CELF4: variants seen among roughly 807,000 people sequenced by gnomAD.
CELF4 encodes CUGBP Elav-like family member 4.
A neutral mutation model predicts 59.9 loss-of-function variants in CELF4; 18 were observed. That is an observed-to-expected ratio of 0.30 (90% CI 0.21 to 0.45). The LOEUF is 0.45. Ranked by LOEUF, CELF4 falls within the 20% of genes least tolerant of loss-of-function variation. The pLI is 1.00. For synonymous variants in CELF4, 261 were observed against 267.1 expected, an observed-to-expected ratio of 0.98 and a Z score of 0.22; for missense variants, 456 against 689.0, an observed-to-expected ratio of 0.66 and a Z score of 3.79.
chr18:37,352,883 C>T (rs1004647071), intron 2 of CELF4, among the ~76,000 whole-genome samples: 5 of 152,068 alleles, frequency 3.3e-5, no homozygotes, highest in East Asian at 3.9e-4. Flanking sequence ...GGTGGAACAG[C>T]GCCTTGCCAT....
intron 1 of CELF4, among the ~76,000 whole-genome samples, chr18:37,487,481 ACTC>A (rs1261611135): frequency 2.0e-5 from 3 of 150,726 alleles, no homozygotes; most frequent in South Asian, 2.1e-4. Flanking sequence ...ACCCCAGATC[ACTC>A]CTCCTCCCTC....
At chr18:37,539,950 A>G (rs1287207702) in intron 1 of CELF4, among the ~76,000 whole-genome samples, 1 of 152,238 alleles carries the variant, frequency 6.6e-6, no homozygotes, top group African/African-American at 2.4e-5. Flanking sequence ...AGAGCTGGAC[A>G]ATAGACATAG....
chr18:37,423,315 G>A (rs1603638277), intron 2 of CELF4, among the ~76,000 whole-genome samples: 2 of 152,340 alleles, frequency 1.3e-5, no homozygotes, highest in East Asian at 1.9e-4. Context: ...AGCACTGGGA[G>A]CTTGACCAGG....
intron 3 of CELF4, among the ~76,000 whole-genome samples, chr18:37,296,310 G>C (rs2095636851): frequency 6.6e-6 from 1 of 152,150 alleles, no homozygotes; most frequent in African/African-American, 2.4e-5. Context: ...AAAGACTATA[G>C]CCTCCTGAGA....
At chr18:37,470,125 AC>A (rs756740919) in intron 2 of CELF4, among the ~76,000 whole-genome samples, 39 of 152,238 alleles carry the variant, frequency 2.6e-4, no homozygotes, top group Non-Finnish European at 4.1e-4. Context: ...TTTCAATGCT[AC>A]CGAGTCAGAA....
chr18:37,543,066 C>A (rs1047804080), intron 1 of CELF4, among the ~76,000 whole-genome samples: 1 of 152,156 alleles, frequency 6.6e-6, no homozygotes, highest in African/African-American at 2.4e-5. Context: ...GGTCTCTGAG[C>A]AACCCCTCAA....
intron 1 of CELF4, among the ~76,000 whole-genome samples, chr18:37,565,077 C>T (rs2099987781): frequency 2.0e-5 from 3 of 152,126 alleles, no homozygotes; most frequent in Admixed American, 1.3e-4. Context: ...AATCCAAGCC[C>T]CGTCTCCTCG....
At chr18:37,494,736 T>C (rs9946793) in intron 1 of CELF4, among the ~76,000 whole-genome samples, 15,005 of 152,216 alleles carry the variant, frequency 0.099, 2,386 homozygotes, top group African/African-American at 0.34. Context: ...TGGCTATTTT[T>C]GGGCTCAGTT....
chr18:37,508,625 G>C (rs1198166962), intron 1 of CELF4, among the ~76,000 whole-genome samples: 2 of 152,256 alleles, frequency 1.3e-5, no homozygotes. Flanking sequence ...TGCAGCTGCA[G>C]GGGACATGAG....
intron 1 of CELF4, among the ~76,000 whole-genome samples, chr18:37,515,222 G>T (rs1043715466): frequency 5.9e-5 from 9 of 152,150 alleles, no homozygotes; most frequent in African/African-American, 2.2e-4. Context: ...TGGAGGAGGG[G>T]GATTTGCAGT....
intron 2 of CELF4, among the ~76,000 whole-genome samples, chr18:37,322,461 C>A (rs2097157185): frequency 6.6e-6 from 1 of 152,244 alleles, no homozygotes; most frequent in Admixed American, 6.5e-5. Flanking sequence ...GCAGCCAGGG[C>A]TGTTCTCTCA....
At chr18:37,478,614 GAGA>G (rs1223151873) in intron 2 of CELF4, among the ~76,000 whole-genome samples, 4 of 152,236 alleles carry the variant, frequency 2.6e-5, no homozygotes, top group Non-Finnish European at 5.9e-5. Context: ...CAGCCCCAGG[GAGA>G]AGGAGGACTT....
At chr18:37,510,994 C>T (rs1048440402) in intron 1 of CELF4, among the ~76,000 whole-genome samples, 2 of 152,096 alleles carry the variant, frequency 1.3e-5, no homozygotes, top group African/African-American at 4.8e-5. Context: ...TATTTGTCAC[C>T]CATCACCCCA....
intron 1 of CELF4, among the ~76,000 whole-genome samples, chr18:37,557,428 G>T (rs908627039): frequency 6.6e-6 from 1 of 152,198 alleles, no homozygotes; most frequent in African/African-American, 2.4e-5. Context: ...GTGCAGAAAG[G>T]ATTTTTTGTC....
In CELF4 at chr18:37,565,733, A is replaced by T. The variant is rs918619995; in HGVS notation, c.-92T>A. Reference sequence around the variant, plus strand: ...CGCGCTCACACACGCACACGCATACACACACTCGGGTTCTCTCCCCCTCGG... The same window carrying T: ...CGCGCTCACACACGCACACGCATACTCACACTCGGGTTCTCTCCCCCTCGG... On this transcript the variant is annotated 5_prime_UTR_variant, in exon 1 of 13. Coordinates refer to ENST00000420428, the MANE Select transcript of CELF4 (RefSeq NM_020180.4). 12 of 1,104,412 alleles carry T rather than the reference A, an allele frequency of 1.1e-5. No homozygotes were observed. The highest frequency in any genetic ancestry group is 2.7e-4 in the Middle Eastern group (1 of 3,654). The allele number at this position is 1,104,412 out of a possible 1,614,324, so 68.4% of individuals were successfully genotyped here.
At chr18:37,413,502 A>T (rs1474807510) in intron 2 of CELF4, among the ~76,000 whole-genome samples, 22 of 152,112 alleles carry the variant, frequency 1.4e-4, no homozygotes, top group Non-Finnish European at 2.5e-4. Context: ...GAAATGAGAC[A>T]ATTTTTGTTC....
intron 6 of CELF4, chr18:37,273,381 C>T: frequency 3.0e-6 from 4 of 1,313,812 alleles, no homozygotes; most frequent in Non-Finnish European, 3.9e-6. Flanking sequence ...AAAAGTAATG[C>T]TAGGGTCTTT....
At chr18:37,406,288 C>T (rs1047194183) in intron 2 of CELF4, among the ~76,000 whole-genome samples, 9 of 152,138 alleles carry the variant, frequency 5.9e-5, no homozygotes, top group African/African-American at 2.2e-4. Flanking sequence ...CGGAGCCCCA[C>T]ACATGCACCC....
chr18:37,548,442 G>A (rs2099982151), intron 1 of CELF4, among the ~76,000 whole-genome samples: 1 of 152,112 alleles, frequency 6.6e-6, no homozygotes, highest in Non-Finnish European at 1.5e-5. Context: ...TTGTCACGAG[G>A]ATGTAATGAG....
Sources: allele counts gnomAD v4.1 joint callset (sites outside exome capture counted in the v4.1 genomes callset), GRCh38; gene constraint gnomAD v4.1.1; transcripts MANE v1.5; gene names NCBI Gene and HGNC (gene_info 2026-07-23, HGNC 2026-07-21).